The following PARD3 variants were observed in gnomAD, a reference collection of about 807,000 sequenced individuals.
PARD3 encodes par-3 family cell polarity regulator.
PARD3 carries 75 observed loss-of-function variants against 155.4 expected under a neutral mutation model. The ratio of observed to expected loss-of-function variants is 0.48; its 90% CI spans 0.40 to 0.58. The LOEUF (loss-of-function observed/expected upper bound fraction) is 0.58, where lower values mean the gene tolerates loss of function less well. Among genes scored for constraint, PARD3 ranks in the 20% least tolerant of loss-of-function variants. PARD3 has a pLI of 0.00. For missense variants in PARD3, 1,642 were observed against 1,721.7 expected (o/e 0.95, Z 0.82); for synonymous variants, 576 against 610.5 (o/e 0.94, Z 0.83).
At chr10:34,564,820 G>A (rs1039489179) in intron 2 of PARD3, among the ~76,000 whole-genome samples, 4 of 152,218 alleles carry the variant, frequency 2.6e-5, no homozygotes, top group African/African-American at 9.6e-5. Flanking sequence ...GTCTACAATT[G>A]CAAGCCATTA....
intron 2 of PARD3, among the ~76,000 whole-genome samples, chr10:34,640,734 A>AAAAAAAAAAAAAAAAAC (rs2092650936): frequency 1.4e-5 from 2 of 145,172 alleles, no homozygotes; most frequent in Non-Finnish European, 3.0e-5. Flanking sequence ...AAAAAAAAAA[A>AAAAAAAAAAAAAAAAAC]AAGCACTTTT....
At chr10:34,451,326 T>C (rs2077043808) in intron 4 of PARD3, among the ~76,000 whole-genome samples, 1 of 152,128 alleles carries the variant, frequency 6.6e-6, no homozygotes, top group Non-Finnish European at 1.5e-5. Flanking sequence ...AAGTAAAATA[T>C]TACCTTCAGT....
At chr10:34,145,925 G>A (rs1296878067) in intron 22 of PARD3, among the ~76,000 whole-genome samples, 2 of 152,308 alleles carry the variant, frequency 1.3e-5, no homozygotes, top group Non-Finnish European at 2.9e-5. Flanking sequence ...GCTGGGCAGA[G>A]TGTCACTTTT....
intron 2 of PARD3, among the ~76,000 whole-genome samples, chr10:34,623,128 G>C (rs568658954): frequency 6.6e-6 from 1 of 152,150 alleles, no homozygotes; most frequent in East Asian, 1.9e-4. Context: ...GCTCTACAAA[G>C]ACACACAAAA....
At chr10:34,710,685 G>A (rs1057093968) in intron 1 of PARD3, among the ~76,000 whole-genome samples, 5 of 152,246 alleles carry the variant, frequency 3.3e-5, no homozygotes, top group Admixed American at 1.3e-4. Flanking sequence ...ACCGTATTTC[G>A]ATGTTCAATT....
chr10:34,530,148 G>C (rs1433945953), intron 2 of PARD3, among the ~76,000 whole-genome samples: 6 of 152,202 alleles, frequency 3.9e-5, no homozygotes, highest in Admixed American at 3.9e-4. Context: ...AGGGGTGGCA[G>C]AGGCAGAAGA....
chr10:34,616,380 T>A (rs954480328), intron 2 of PARD3, among the ~76,000 whole-genome samples: 4 of 152,046 alleles, frequency 2.6e-5, no homozygotes, highest in Non-Finnish European at 5.9e-5. Flanking sequence ...CACTGCTGCA[T>A]ATACACCCAA....
chr10:34,318,294 C>T (rs1272720791), intron 19 of PARD3, among the ~76,000 whole-genome samples: 2 of 152,176 alleles, frequency 1.3e-5, no homozygotes, highest in African/African-American at 2.4e-5. Context: ...ATCTTTCTTT[C>T]GAGACTGGTC....
chr10:34,139,599 A>C (rs1008994733), intron 22 of PARD3, among the ~76,000 whole-genome samples: 2 of 152,190 alleles, frequency 1.3e-5, no homozygotes, highest in African/African-American at 4.8e-5. Flanking sequence ...CCAGGACTGG[A>C]GTAGGCAAAA....
Position 34,704,335 on chromosome 10 carries a change from G to A in PARD3, c.121-7916C>T, listed in dbSNP as rs183612973. Among the ~76,000 whole-genome samples, 82 of 152,328 alleles carry A rather than the reference G, an allele frequency of 5.4e-4. 1 individual carries two copies. In the East Asian group the frequency reaches 0.013, roughly 25 times the overall value. On this transcript the variant is annotated intron_variant, in intron 1 of 24. Coordinates refer to ENST00000374788, the MANE Select transcript of PARD3 (RefSeq NM_001184785.2). ...TGATCAAGGTATCATACATGGTTCA[G>A]CTGTAAGTAGCTTTAATAATAAAAA...
At chr10:34,260,134 C>A (rs182472470) in intron 22 of PARD3, among the ~76,000 whole-genome samples, 4 of 152,172 alleles carry the variant, frequency 2.6e-5, no homozygotes, top group Admixed American at 2.6e-4. Context: ...ACCACCATGC[C>A]CAGTTAATTT....
chr10:34,533,243 A>C (rs2082979169), intron 2 of PARD3, among the ~76,000 whole-genome samples: 1 of 152,194 alleles, frequency 6.6e-6, no homozygotes. Flanking sequence ...CTGGACATAA[A>C]GATGGGAACA....
chr10:34,364,502 TC>T (rs1839775208), intron 12 of PARD3, among the ~76,000 whole-genome samples: 14 of 151,898 alleles, frequency 9.2e-5, no homozygotes, highest in Admixed American at 6.6e-4. Context: ...TGATCATAGC[TC>T]TCCATAACCT....
At chr10:34,633,568 CATTT>C (rs1220924268) in intron 2 of PARD3, among the ~76,000 whole-genome samples, 2 of 152,150 alleles carry the variant, frequency 1.3e-5, no homozygotes, top group Non-Finnish European at 2.9e-5. Context: ...GTATACAGAC[CATTT>C]ATCCATCCGT....
chr10:34,156,513 T>G (rs183750936), intron 22 of PARD3, among the ~76,000 whole-genome samples: 1 of 152,300 alleles, frequency 6.6e-6, no homozygotes, highest in East Asian at 1.9e-4. Context: ...AGGTATAATT[T>G]TTAAGTTTTT....
intron 22 of PARD3, among the ~76,000 whole-genome samples, chr10:34,242,537 G>A (rs1953675022): frequency 6.6e-6 from 1 of 152,084 alleles, no homozygotes; most frequent in Non-Finnish European, 1.5e-5. Context: ...CTCTAAAATG[G>A]CAGAAATATA....
chr10:34,796,319 A>G (rs1588793983), intron 1 of PARD3, among the ~76,000 whole-genome samples: 2 of 152,092 alleles, frequency 1.3e-5, no homozygotes, highest in South Asian at 4.1e-4. Flanking sequence ...CCCAAGTGGC[A>G]CGGAAGAATA....
intron 14 of PARD3, among the ~76,000 whole-genome samples, 198 bp downstream of exon 14, chr10:34,358,949 C>T (rs558079739): frequency 6.6e-6 from 1 of 152,208 alleles, no homozygotes; most frequent in South Asian, 2.1e-4. Context: ...TATTAATGTC[C>T]ACTTAGGAAT....
At chr10:34,211,896 A>G (rs543965524) in intron 22 of PARD3, among the ~76,000 whole-genome samples, 1 of 152,304 alleles carries the variant, frequency 6.6e-6, no homozygotes, top group African/African-American at 2.4e-5. Context: ...GGTTATCCCA[A>G]AGATCTTCCC....
Sources: allele counts gnomAD v4.1 joint callset (sites outside exome capture counted in the v4.1 genomes callset), GRCh38; gene constraint gnomAD v4.1.1; transcripts MANE v1.5; gene names NCBI Gene and HGNC (gene_info 2026-07-23, HGNC 2026-07-21).